FAN1: variants seen among roughly 807,000 people sequenced by gnomAD.
FAN1 encodes FANCD2 and FANCI associated nuclease 1, also known as fanconi-associated nuclease 1.
Under a neutral mutation model 104.9 loss-of-function variants are expected in FAN1, and 91 were observed. The observed-to-expected ratio is 0.87, with a 90% CI of 0.73 to 1.03. The LOEUF (loss-of-function observed/expected upper bound fraction) is 1.03. FAN1 is among the 50% of genes least tolerant of loss of function. The probability of loss-of-function intolerance (pLI) is 0.00; values close to 1 mark genes in which losing one functional copy is unlikely to be tolerated. For missense variants in FAN1, 1,263 were observed against 1,239.9 expected, an observed-to-expected ratio of 1.02 and a Z score of -0.28; for synonymous variants, 478 against 457.6, an observed-to-expected ratio of 1.04 and a Z score of -0.57.
chr15:30,928,679 C>T (rs756828695), intron 11 of FAN1, 23 bp downstream of exon 11: 26 of 1,613,166 alleles, frequency 1.6e-5, no homozygotes, highest in Admixed American at 1.3e-4. Context: ...CCCTGCCCCA[C>T]GAGTAGGTCC....
intron 2 of FAN1, among the ~76,000 whole-genome samples, chr15:30,906,668 T>C (rs1300191927): frequency 6.6e-6 from 1 of 152,118 alleles, no homozygotes. Flanking sequence ...AAGAGAAAAA[T>C]CCTGAACATT....
At chr15:30,938,995 T>C in intron 14 of FAN1, 1 of 985,330 alleles carries the variant, frequency 1.0e-6, no homozygotes, top group Non-Finnish European at 1.2e-6. Context: ...CATTCAATAC[T>C]GTTGAACAAC....
chr15:30,905,696 A>C lies in FAN1; in HGVS notation c.1033A>C (p.Ser345Arg). The part of the protein sequence containing the change: ...NIQEAPLQDD[S>R]CLNNDIPHSI... ...CCAAGAGGCTCCTCTGCAGGATGACAGTTGCTTAAACAATGATATCCCTCA... is the reference window on the plus strand; with the variant it reads ...CCAAGAGGCTCCTCTGCAGGATGACCGTTGCTTAAACAATGATATCCCTCA... Residue 345 changes from serine to arginine, a missense_variant, in exon 2 of 15, where the codon AGT becomes CGT. Ser to Arg is a moderately radical substitution (Grantham distance 110, BLOSUM62 -1). This residue lies in a region of FAN1 where 682 missense variants were observed against 571.1 expected (regional missense o/e 1.19). Transcript: ENST00000362065. 6.2e-7 allele frequency: 1 copy of C among 1,614,194 alleles called. No individual in the cohort carries two copies. Among genetic ancestry groups the C allele is most frequent in the African/African-American group, 1.3e-5 (1 of 75,058 alleles).
chr15:30,925,678 TAA>T lies in FAN1; in HGVS notation c.2338-110_2338-109del, dbSNP rs1282196452. ...GTGAGCCCCACGCTGTGTGCTCTAC[TAA>T]GTGACTGACTTTGTGGTAAGGGAGG... is the stretch of plus-strand genomic sequence containing the variant. On this transcript the variant is annotated intron_variant, in intron 9 of 14. Coordinates refer to ENST00000362065, the MANE Select transcript of FAN1 (RefSeq NM_014967.5). 32 of 1,228,946 alleles carry T rather than the reference TAA, an allele frequency of 2.6e-5. No homozygotes were observed. In the South Asian group the frequency reaches 4.2e-4, roughly 16 times the overall value. The allele number at this position is 1,228,946 out of a possible 1,614,324, so 76.1% of individuals were successfully genotyped here. A position where few individuals can be genotyped will look rare whatever the true frequency, so the allele number is the denominator to read the frequency against.
In FAN1 at chr15:30,920,545, A is replaced by G; in HGVS notation, c.1944A>G (p.Arg648=). Residue 648 remains arginine (R), a splice_region_variant and synonymous_variant, in exon 7 of 15, where the codon AGA becomes AGG. Coordinates refer to ENST00000362065, the MANE Select transcript of FAN1 (RefSeq NM_014967.5). ...CTACTGGTATATGTCTTCATTTTAG[A>G]TGCCACGAAGATTTACCACTCTTCC... ...WNRLKNHPSL[R]CHEDLPLFLR... 6.3e-7 allele frequency: 1 copy of G among 1,599,890 alleles called. No homozygotes were observed. The highest frequency in any genetic ancestry group is 2.2e-5 in the East Asian group (1 of 44,758).
At chr15:30,935,920 C>G (rs1016946455) in intron 13 of FAN1, among the ~76,000 whole-genome samples, 2 of 151,948 alleles carry the variant, frequency 1.3e-5, no homozygotes, top group African/African-American at 4.8e-5. Flanking sequence ...CCTAGGGTGC[C>G]GTTACATTTG....
In FAN1 at chr15:30,928,674, C is replaced by T. The variant is rs1393256836; in HGVS notation, c.2592+18C>T. 2 of 1,613,180 alleles carry T rather than the reference C, an allele frequency of 1.2e-6. No individual in the cohort carries two copies. Among genetic ancestry groups the T allele is most frequent in the Non-Finnish European group, 1.7e-6 (2 of 1,179,298 alleles). On this transcript the variant is annotated intron_variant, in intron 11 of 14. Coordinates refer to ENST00000362065, the MANE Select transcript of FAN1 (RefSeq NM_014967.5). ...CCTGTCAGGTACTCCAGTGCCCCTG[C>T]CCCACGAGTAGGTCCTTCTGCACAC...
intron 12 of FAN1, among the ~76,000 whole-genome samples, chr15:30,929,682 TAA>T (rs1491292346): frequency 2.6e-5 from 3 of 115,490 alleles, no homozygotes; most frequent in Non-Finnish European, 4.9e-5. Flanking sequence ...ATATATCATA[TAA>T]TATATATAAA....
intron 3 of FAN1, among the ~76,000 whole-genome samples, chr15:30,909,527 G>A (rs1209723758): frequency 1.3e-5 from 2 of 152,214 alleles, no homozygotes; most frequent in African/African-American, 4.8e-5. Flanking sequence ...TGACAGGCAT[G>A]CCAGGTGACT....
intron 14 of FAN1, chr15:30,939,340 G>T: frequency 1.0e-6 from 1 of 985,430 alleles, no homozygotes; most frequent in Non-Finnish European, 1.2e-6. Context: ...TCTGCTGGCG[G>T]GCAGCAGGGG....
rs2063107092 is a variant in FAN1, at chr15:30,943,094, A to C, written c.*1532A>C. 3.9e-6 allele frequency: 6 copies of C among 1,528,752 alleles called. No individual in the cohort carries two copies. The highest frequency in any genetic ancestry group is 1.7e-4 in the Middle Eastern group (1 of 5,786). The allele number at this position is 1,528,752 out of a possible 1,614,324, so 94.7% of individuals were successfully genotyped here. A position where few individuals can be genotyped will look rare whatever the true frequency, so the allele number is the denominator to read the frequency against. The stretch of plus-strand genomic sequence containing the variant: ...ATTCCTGCAAAATAAATAAATAAAT[A>C]TTTGCAAAACTAAAGATTCTCTCAT... On this transcript the variant is annotated 3_prime_UTR_variant, in exon 15 of 15. Coordinates refer to ENST00000362065, the MANE Select transcript of FAN1 (RefSeq NM_014967.5).
At chr15:30,917,921 A>C (rs1470715105) in intron 5 of FAN1, among the ~76,000 whole-genome samples, 1 of 152,240 alleles carries the variant, frequency 6.6e-6, no homozygotes, top group Non-Finnish European at 1.5e-5. Flanking sequence ...CATTTATAGA[A>C]TGGAACATGT....
chr15:30,904,551 A>C lies in FAN1; in HGVS notation c.-113A>C. The C allele has an allele frequency of 9.9e-7, 1 of 1,010,530 alleles. No individual in the cohort carries two copies. The highest frequency in any genetic ancestry group is 2.4e-5 in the East Asian group (1 of 42,248). The allele number at this position is 1,010,530 out of a possible 1,614,324, so 62.6% of individuals were successfully genotyped here. A position where few individuals can be genotyped will look rare whatever the true frequency, so the allele number is the denominator to read the frequency against. The stretch of plus-strand genomic sequence containing the variant: ...CGAGACGAATAACATGAGGTCATAT[A>C]GAATCCCACTTTTGGTGATTTCAAG... On this transcript the variant is annotated 5_prime_UTR_variant, in exon 2 of 15. Coordinates refer to ENST00000362065, the MANE Select transcript of FAN1 (RefSeq NM_014967.5).
intron 2 of FAN1, 30 bp downstream of exon 2, chr15:30,905,927 T>A (rs778957961): frequency 1.6e-5 from 26 of 1,584,584 alleles, no homozygotes; most frequent in Non-Finnish European, 8.6e-7. Flanking sequence ...GTTTTCAAGT[T>A]TTCATTCCCC....
At chr15:30,934,169 G>C (rs112005142) in intron 13 of FAN1, among the ~76,000 whole-genome samples, 3,776 of 152,172 alleles carry the variant, frequency 0.025, 72 homozygotes, top group Non-Finnish European at 0.038. Context: ...ATTATGCAGT[G>C]ACCCCCCCTT....
At chr15:30,909,460 T>C (rs1595831762) in intron 3 of FAN1, among the ~76,000 whole-genome samples, 1 of 152,354 alleles carries the variant, frequency 6.6e-6, no homozygotes, top group East Asian at 1.9e-4. Context: ...GGGAACTTGA[T>C]ACTCAGTCCC....
intron 3 of FAN1, 93 bp from the exon 4 acceptor site, chr15:30,910,521 T>G (rs1201853589): frequency 1.4e-5 from 10 of 721,416 alleles, no homozygotes; most frequent in South Asian, 2.3e-5. Context: ...TAAAATTTTC[T>G]TAGTAGCATT....
At chr15:30,939,225 AG>A in intron 14 of FAN1, 1 of 985,474 alleles carries the variant, frequency 1.0e-6, no homozygotes, top group Non-Finnish European at 1.2e-6. Flanking sequence ...TTTCAAAATC[AG>A]TTTCCATCAT....
chr15:30,918,502 T>G (rs1009948352), intron 6 of FAN1, among the ~76,000 whole-genome samples: 1 of 152,190 alleles, frequency 6.6e-6, no homozygotes, highest in Non-Finnish European at 1.5e-5. Flanking sequence ...GAATTTGATA[T>G]AACTCAGATC....
Sources: gnomAD v4.1 joint callset for allele counts (sites outside exome capture counted in the v4.1 genomes callset) on GRCh38, gnomAD v4.1.1 for gene constraint, gnomAD v4.1.1 regional missense constraint, MANE v1.5 for transcripts, NCBI Gene and HGNC (gene_info 2026-07-23, HGNC 2026-07-21) for gene names.